GUCY1A2: variants seen among roughly 807,000 people sequenced by gnomAD.
The protein encoded by GUCY1A2 is guanylate cyclase soluble subunit alpha-2.
GUCY1A2 carries 27 observed loss-of-function variants against 63.5 expected under a neutral mutation model. The ratio of observed to expected loss-of-function variants is 0.43; its 90% CI spans 0.31 to 0.59. GUCY1A2 has a LOEUF of 0.59. Ranked by LOEUF, GUCY1A2 falls within the 20% of genes least tolerant of loss-of-function variation. GUCY1A2 has a pLI of 0.11. For missense variants in GUCY1A2, 768 were observed against 913.3 expected (o/e 0.84, Z 2.05); for synonymous variants, 364 against 343.5 (o/e 1.06, Z -0.66).
chr11:106,929,150 C>T (rs995026633), intron 4 of GUCY1A2, among the ~76,000 whole-genome samples: 4 of 152,104 alleles, frequency 2.6e-5, no homozygotes, highest in Non-Finnish European at 5.9e-5. Flanking sequence ...TACTTGTTTA[C>T]TATTTTAGCA....
chr11:106,766,156 ACTG>A (rs1275720845), intron 6 of GUCY1A2, among the ~76,000 whole-genome samples: 1 of 152,170 alleles, frequency 6.6e-6, no homozygotes, highest in East Asian at 1.9e-4. Context: ...CACTTGTGAC[ACTG>A]AATTGTTAGT....
In GUCY1A2 at chr11:106,810,264, G is replaced by T. The variant is rs1591286522; in HGVS notation, c.1421C>A (p.Ala474Glu). The T allele has an allele frequency of 1.9e-6, 3 of 1,613,806 alleles. No individual in the cohort carries two copies. The highest frequency in any genetic ancestry group is 2.5e-6 in the Non-Finnish European group (3 of 1,179,846). ...GGCCTGGTGAGTTCTTTCTAAAGTT[G>T]CCTTTAATTTATCCATCCTTTTCTT... ...GLKKRMDKLK[A>E]TLERTHQALE... Residue 474 changes from alanine (A) to glutamate (E), a missense_variant, in exon 5 of 8, where the codon GCA becomes GAA. Ala to Glu is a moderately radical substitution (Grantham distance 107). Around this residue, in one of 3 missense-constraint regions of GUCY1A2, gnomAD observed 122 missense variants for 238.1 expected, o/e 0.51. Transcript: ENST00000526355.
At position 106,730,532 on chromosome 11, in the gene GUCY1A2, G is replaced by C. The variant is rs188344615; in HGVS notation, c.1837-21866C>G. Among the ~76,000 whole-genome samples, 830 of 152,078 alleles carry C rather than the reference G, an allele frequency of 5.5e-3. 5 individuals are homozygous for C. Among genetic ancestry groups the C allele is most frequent in the Non-Finnish European group, 9.0e-3 (610 of 67,970 alleles). On this transcript the variant is annotated intron_variant, in intron 6 of 7. Transcript: ENST00000526355. ...CAGTCTACCATTGATGGACATTTAG[G>C]TTGATTCTATATCTCGCTATTCTGA...
intron 1 of GUCY1A2, among the ~76,000 whole-genome samples, chr11:107,014,792 T>C (rs549193735): frequency 6.6e-6 from 1 of 152,230 alleles, no homozygotes; most frequent in East Asian, 1.9e-4. Context: ...CCATGGCAAG[T>C]ACAGTTTCTC....
chr11:106,695,772 C>T (rs1265286019), intron 7 of GUCY1A2, among the ~76,000 whole-genome samples: 1 of 152,046 alleles, frequency 6.6e-6, no homozygotes, highest in African/African-American at 2.4e-5. Context: ...GAATCTAGCT[C>T]ATGATGAAAT....
chr11:106,679,062 A>G lies in GUCY1A2; in HGVS notation c.*8487T>C, dbSNP rs1368408863. On this transcript the variant is annotated 3_prime_UTR_variant, in exon 8 of 8. Coordinates refer to ENST00000526355, the MANE Select transcript of GUCY1A2 (RefSeq NM_000855.3). Reference sequence around the variant, plus strand: ...ACTTTCAAAAGTCTCTGACATTCTAAGTTTTGGATATGAGTGAGTTGACTC... The same window carrying G: ...ACTTTCAAAAGTCTCTGACATTCTAGGTTTTGGATATGAGTGAGTTGACTC... 5.4e-6 allele frequency: 1 copy of G among 186,408 alleles called. No individual in the cohort carries two copies. Among genetic ancestry groups the G allele is most frequent in the Non-Finnish European group, 1.1e-5 (1 of 88,192 alleles). The allele number at this position is 186,408 out of a possible 1,614,324, so 11.5% of individuals were successfully genotyped here. A position where few individuals can be genotyped will look rare whatever the true frequency, so the allele number is the denominator to read the frequency against.
At chr11:106,778,082 G>C (rs765082329) in intron 5 of GUCY1A2, among the ~76,000 whole-genome samples, 1 of 152,126 alleles carries the variant, frequency 6.6e-6, no homozygotes, top group Non-Finnish European at 1.5e-5. Flanking sequence ...TATTACTTTA[G>C]AGAAAAGCTC....
chr11:106,723,740 T>C (rs1431930030), intron 6 of GUCY1A2, among the ~76,000 whole-genome samples: 1 of 152,134 alleles, frequency 6.6e-6, no homozygotes, highest in African/African-American at 2.4e-5. Context: ...GGAGAATCAC[T>C]TGAATCCAGG....
At chr11:106,739,616 C>T (rs561480496) in intron 6 of GUCY1A2, among the ~76,000 whole-genome samples, 63 of 152,290 alleles carry the variant, frequency 4.1e-4, no homozygotes, top group African/African-American at 1.5e-3. Flanking sequence ...ACTGCACTGC[C>T]TGAGCTATAA....
chr11:106,694,300 A>T (rs1172696733), intron 7 of GUCY1A2, among the ~76,000 whole-genome samples: 1 of 152,212 alleles, frequency 6.6e-6, no homozygotes, highest in Non-Finnish European at 1.5e-5. Flanking sequence ...TCAATGTCTC[A>T]GGAGAACAAA....
intron 3 of GUCY1A2, among the ~76,000 whole-genome samples, chr11:106,976,604 C>G (rs1861265941): frequency 6.6e-6 from 1 of 152,156 alleles, no homozygotes; most frequent in Non-Finnish European, 1.5e-5. Flanking sequence ...ATCTGGTTGA[C>G]AGGTGGCAGG....
intron 6 of GUCY1A2, among the ~76,000 whole-genome samples, chr11:106,730,081 T>TATATATATATATATTATAGTATATA (rs1863475499): frequency 7.1e-6 from 1 of 140,856 alleles, no homozygotes; most frequent in Non-Finnish European, 1.5e-5. Flanking sequence ...TATATATATA[T>TATATATATATATATTATAGTATATA]ATATATATAT....
intron 4 of GUCY1A2, among the ~76,000 whole-genome samples, chr11:106,918,629 G>T (rs527418108): frequency 6.9e-6 from 1 of 144,956 alleles, no homozygotes; most frequent in Non-Finnish European, 1.5e-5. Flanking sequence ...AAAAAAGAAA[G>T]GAAATTTTCA....
At chr11:106,918,730 T>A in intron 4 of GUCY1A2, among the ~76,000 whole-genome samples, 1 of 145,818 alleles carries the variant, frequency 6.9e-6, no homozygotes, top group East Asian at 2.1e-4. Context: ...GCACACTTCA[T>A]CTCATGACAA....
intron 4 of GUCY1A2, among the ~76,000 whole-genome samples, chr11:106,929,151 T>C (rs565816315): frequency 2.0e-5 from 3 of 152,352 alleles, no homozygotes; most frequent in East Asian, 1.9e-4. Context: ...ACTTGTTTAC[T>C]ATTTTAGCAT....
chr11:106,984,724 T>C (rs1313187501), intron 2 of GUCY1A2, among the ~76,000 whole-genome samples: 1 of 152,222 alleles, frequency 6.6e-6, no homozygotes, highest in Non-Finnish European at 1.5e-5. Context: ...CTATTTTAAG[T>C]ATACTAACTA....
At chr11:106,793,882 C>T (rs1864706807) in intron 5 of GUCY1A2, among the ~76,000 whole-genome samples, 1 of 152,056 alleles carries the variant, frequency 6.6e-6, no homozygotes, top group South Asian at 2.1e-4. Flanking sequence ...GAAAAGGGAA[C>T]ATTTGTACAC....
At chr11:106,898,062 G>C (rs1860076031) in intron 4 of GUCY1A2, among the ~76,000 whole-genome samples, 1 of 152,056 alleles carries the variant, frequency 6.6e-6, no homozygotes, top group South Asian at 2.1e-4. Context: ...CACCAAAGAA[G>C]ATACACAGAT....
chr11:106,872,962 T>C (rs938595760), intron 4 of GUCY1A2, among the ~76,000 whole-genome samples: 2 of 151,402 alleles, frequency 1.3e-5, no homozygotes, highest in South Asian at 2.1e-4. Context: ...TTTGTTCCCC[T>C]CCCTGTGTCA....
Sources: gnomAD v4.1 joint callset for allele counts (sites outside exome capture counted in the v4.1 genomes callset) on GRCh38, gnomAD v4.1.1 for gene constraint, gnomAD v4.1.1 regional missense constraint, MANE v1.5 for transcripts, NCBI Gene and HGNC (gene_info 2026-07-23, HGNC 2026-07-21) for gene names.